Variants in SLC25A27 observed in about 807,000 individuals in gnomAD.
SLC25A27 encodes the protein solute carrier family 25 member 27, also known as mitochondrial uncoupling protein 4.
A neutral mutation model predicts 49.1 loss-of-function variants in SLC25A27; 35 were observed. The ratio of observed to expected loss-of-function variants is 0.71; its 90% CI spans 0.54 to 0.95. SLC25A27 has a LOEUF of 0.95. Ranked by LOEUF, SLC25A27 falls within the 40% of genes least tolerant of loss-of-function variation. SLC25A27 has a pLI of 0.00. For synonymous variants in SLC25A27, 144 were observed against 136.9 expected (o/e 1.05, Z -0.36); for missense variants, 339 against 397.1 (o/e 0.85, Z 1.24).
At chr6:46,662,266 T>C in intron 3 of SLC25A27, 110 bp from the exon 4 acceptor site, 1 of 917,822 alleles carries the variant, frequency 1.1e-6, no homozygotes, top group Non-Finnish European at 1.7e-6. Flanking sequence ...ATCCTTTTCT[T>C]TACTTGATCT....
At chr6:46,654,121 T>C in intron 1 of SLC25A27, 1 of 985,374 alleles carries the variant, frequency 1.0e-6, no homozygotes. Flanking sequence ...GCAAGTAGCG[T>C]TTATTCCAAG....
intron 8 of SLC25A27, among the ~76,000 whole-genome samples, chr6:46,673,870 G>A (rs1763653907): frequency 6.6e-6 from 1 of 152,282 alleles, no homozygotes; most frequent in Non-Finnish European, 1.5e-5. Context: ...AAGCTAGGAT[G>A]TAAGAAAGGA....
intron 4 of SLC25A27, among the ~76,000 whole-genome samples, chr6:46,663,060 A>G (rs567458118): frequency 1.8e-3 from 281 of 152,246 alleles, no homozygotes; most frequent in African/African-American, 6.5e-3. Context: ...TTTTTCCCTA[A>G]TATGGCTTTG....
At chr6:46,653,821 G>A in intron 1 of SLC25A27, 6 of 985,360 alleles carry the variant, frequency 6.1e-6, no homozygotes, top group Non-Finnish European at 7.2e-6. Flanking sequence ...AGGATTCTGA[G>A]AAGTCAATAA....
intron 3 of SLC25A27, among the ~76,000 whole-genome samples, chr6:46,659,874 T>C (rs1321853824): frequency 6.7e-6 from 1 of 149,312 alleles, no homozygotes; most frequent in East Asian, 1.9e-4. Context: ...AAAATAAAAA[T>C]AAAAAATTGC....
At chr6:46,670,536 T>TG (rs1369674685) in intron 7 of SLC25A27, 1 of 289,790 alleles carries the variant, frequency 3.5e-6, no homozygotes, top group Non-Finnish European at 6.3e-6. Context: ...GCTTATGACT[T>TG]GAGTAGGTAA....
intron 5 of SLC25A27, among the ~76,000 whole-genome samples, chr6:46,668,310 C>G (rs891709556): frequency 7.9e-5 from 12 of 152,178 alleles, no homozygotes; most frequent in Admixed American, 3.3e-4. Flanking sequence ...TGCACTCAAG[C>G]CTGTGTGACA....
At chr6:46,675,165 A>G (rs549412208) in intron 8 of SLC25A27, among the ~76,000 whole-genome samples, 98 of 152,236 alleles carry the variant, frequency 6.4e-4, no homozygotes, top group African/African-American at 2.2e-3. Context: ...GATCCCTTCT[A>G]CTGGGTAGAG....
chr6:46,665,693 A>G (rs1234822507), intron 5 of SLC25A27, among the ~76,000 whole-genome samples: 1 of 151,852 alleles, frequency 6.6e-6, no homozygotes, highest in Non-Finnish European at 1.5e-5. Flanking sequence ...CTCAAAAGAA[A>G]AAAAAAGAAG....
At position 46,664,854 on chromosome 6, in the gene SLC25A27, A is replaced by G. The variant is rs777773875; in HGVS notation, c.587A>G (p.Asn196Ser). 20 of 1,606,374 alleles carry G rather than the reference A, an allele frequency of 1.2e-5. No individual in the cohort carries two copies. In the African/African-American group the frequency reaches 2.4e-4, roughly 19 times the overall value. Reference protein sequence around the residue: ...IRGLWAGWVPNIQRAALVNMG... With the variant: ...IRGLWAGWVPSIQRAALVNMG... ...GGGCTTTGGGCAGGCTGGGTACCCA[A>G]TATACAAAGAGCAGCACTGGTGAAT... Residue 196 changes from asparagine (N) to serine (S), a missense_variant, in exon 5 of 9, where the codon AAT becomes AGT. Asn to Ser is a conservative substitution (Grantham distance 46). Coordinates refer to ENST00000371347, the MANE Select transcript of SLC25A27 (RefSeq NM_004277.5).
At chr6:46,664,138 T>C (rs1763250575) in intron 4 of SLC25A27, among the ~76,000 whole-genome samples, 1 of 152,140 alleles carries the variant, frequency 6.6e-6, no homozygotes, top group Non-Finnish European at 1.5e-5. Flanking sequence ...TGACTTCAGG[T>C]TTTTCTGACT....
intron 5 of SLC25A27, among the ~76,000 whole-genome samples, 199 bp downstream of exon 5, chr6:46,665,085 A>G (rs1763279873): frequency 6.6e-6 from 1 of 152,210 alleles, no homozygotes; most frequent in African/African-American, 2.4e-5. Context: ...GTGATGTATG[A>G]AAAGGATAGG....
intron 5 of SLC25A27, among the ~76,000 whole-genome samples, chr6:46,667,405 T>C (rs897230517): frequency 3.9e-5 from 6 of 152,210 alleles, no homozygotes; most frequent in Admixed American, 3.3e-4. Flanking sequence ...TAAGTTCCAG[T>C]AAGAACTCGA....
Position 46,661,153 on chromosome 6 carries a change from A to G in SLC25A27, c.384-1223A>G, listed in dbSNP as rs201379629. ...AAATACAGAGAAAAGAGTGGTTATG[A>G]GAGATGCAAAGAGAAAAAATATGAT... On this transcript the variant is annotated intron_variant, in intron 3 of 8. Coordinates refer to ENST00000371347, the MANE Select transcript of SLC25A27 (RefSeq NM_004277.5). 1.8e-4 allele frequency among the ~76,000 whole-genome samples: 27 copies of G among 152,350 alleles called. No individual in the cohort carries two copies. The East Asian group carries it at 5.0e-3, about 28-fold the overall frequency.
intron 3 of SLC25A27, among the ~76,000 whole-genome samples, chr6:46,660,581 A>T (rs1181296189): frequency 2.6e-5 from 4 of 152,152 alleles, no homozygotes; most frequent in Non-Finnish European, 2.9e-5. Context: ...TTTAATTTAA[A>T]CTATTGATTT....
Position 46,653,092 on chromosome 6 carries a change from C to T in SLC25A27, c.-101C>T, listed in dbSNP as rs893864337. 2.6e-6 allele frequency: 3 copies of T among 1,132,812 alleles called. No homozygotes were observed. Among genetic ancestry groups the T allele is most frequent in the Non-Finnish European group, 3.9e-6 (3 of 773,074 alleles). 70.2% of individuals were successfully genotyped at this position (1,132,812 alleles called of 1,614,324 possible). On this transcript the variant is annotated 5_prime_UTR_variant, in exon 1 of 9. Coordinates refer to ENST00000371347, the MANE Select transcript of SLC25A27 (RefSeq NM_004277.5). Reference sequence around the variant, plus strand: ...GGGAAATGGTCCTCACCCGGCCACTCGCCGGTTGAAAAGGGGCCGCCCTGG... The same window carrying T: ...GGGAAATGGTCCTCACCCGGCCACTTGCCGGTTGAAAAGGGGCCGCCCTGG...
At position 46,664,786 on chromosome 6, in the gene SLC25A27, A is replaced by T; in HGVS notation, c.519A>T (p.Val173=). 1 of 1,598,194 alleles carries T rather than the reference A, an allele frequency of 6.3e-7. No homozygotes were observed. Among genetic ancestry groups the T allele is most frequent in the Non-Finnish European group, 8.5e-7 (1 of 1,169,600 alleles). The change falls in exon 5 of 9, where the codon GTA becomes GTT. Residue 173 remains valine, a synonymous_variant. Transcript: ENST00000371347. The part of the protein sequence containing the change: ...LEGKPLRFRG[V]HHAFAKILAE... ...TTATTCTCCTTAGATTTCGTGGTGT[A>T]CATCATGCATTTGCAAAAATCTTAG...
chr6:46,674,581 A>C (rs1216650257), intron 8 of SLC25A27, among the ~76,000 whole-genome samples: 1 of 152,224 alleles, frequency 6.6e-6, no homozygotes, highest in East Asian at 1.9e-4. Flanking sequence ...CCCAGAGCAC[A>C]GAAACCTAAT....
chr6:46,667,967 G>C (rs184341722), intron 5 of SLC25A27, among the ~76,000 whole-genome samples: 3 of 152,148 alleles, frequency 2.0e-5, no homozygotes, highest in Non-Finnish European at 2.9e-5. Flanking sequence ...ATACTTTAGT[G>C]TGGGTTAACT....
Sources: allele counts gnomAD v4.1 joint callset (sites outside exome capture counted in the v4.1 genomes callset), GRCh38; gene constraint gnomAD v4.1.1; transcripts MANE v1.5; gene names NCBI Gene and HGNC (gene_info 2026-07-23, HGNC 2026-07-21).